Variants in NIPSNAP1 observed in about 807,000 individuals in gnomAD.
NIPSNAP1 encodes protein NipSnap homolog 1.
In NIPSNAP1, 25 loss-of-function variants were observed where a neutral mutation model predicts 49.2. The observed-to-expected ratio is 0.51, with a 90% CI of 0.37 to 0.71. The LOEUF is 0.71. NIPSNAP1 is among the 30% of genes least tolerant of loss of function. The probability of loss-of-function intolerance (pLI) is 0.00; values close to 1 mark genes in which losing one functional copy is unlikely to be tolerated. For missense variants in NIPSNAP1, 294 were observed against 361.0 expected, an observed-to-expected ratio of 0.81 and a Z score of 1.50; for synonymous variants, 143 against 140.7, an observed-to-expected ratio of 1.02 and a Z score of -0.12.
intron 8 of NIPSNAP1, among the ~76,000 whole-genome samples, chr22:29,560,159 A>G (rs1457951995): frequency 6.6e-6 from 1 of 151,102 alleles, no homozygotes; most frequent in Non-Finnish European, 1.5e-5. Context: ...CTCAGCTTAC[A>G]TTTTACTTCC....
chr22:29,560,260 T>C (rs1194516207), intron 8 of NIPSNAP1, among the ~76,000 whole-genome samples: 16 of 152,228 alleles, frequency 1.1e-4, no homozygotes, highest in Middle Eastern at 3.4e-3. Flanking sequence ...TTTTCTTCTT[T>C]TTTTTTGAGA....
At chr22:29,570,033 G>A in intron 3 of NIPSNAP1, 129 bp downstream of exon 3, 1 of 783,684 alleles carries the variant, frequency 1.3e-6, no homozygotes, top group Non-Finnish European at 2.2e-6. Flanking sequence ...GAAAAAGGCA[G>A]AAATAAAAGA....
intron 4 of NIPSNAP1, among the ~76,000 whole-genome samples, chr22:29,563,903 T>TA (rs1195306448): frequency 6.6e-6 from 1 of 152,118 alleles, no homozygotes; most frequent in Non-Finnish European, 1.5e-5. Flanking sequence ...CCTAAGGCCT[T>TA]AGGAGGAAGG....
chr22:29,570,660 T>A, intron 1 of NIPSNAP1, 128 bp from the exon 2 acceptor site: 1 of 1,250,624 alleles, frequency 8.0e-7, no homozygotes, highest in Non-Finnish European at 1.1e-6. Context: ...CGGAGTCCTG[T>A]GGCAGCTCCA....
At chr22:29,576,533 T>C (rs1247204731) in intron 1 of NIPSNAP1, among the ~76,000 whole-genome samples, 2 of 151,438 alleles carry the variant, frequency 1.3e-5, no homozygotes, top group African/African-American at 4.9e-5. Flanking sequence ...GCTGGGCACA[T>C]GGTGAGAATG....
rs184528108 is a variant in NIPSNAP1 at position 29,579,019 on chromosome 22, G to C, written c.98+1966C>G. On this transcript the variant is annotated intron_variant, in intron 1 of 9. Coordinates refer to ENST00000216121, the MANE Select transcript of NIPSNAP1 (RefSeq NM_003634.4). ...AAATTGCTTGAAACATAGGCTAGGG[G>C]TTAAGGAGCAACACTTACTGCATGT... is the stretch of plus-strand genomic sequence containing the variant. Among the ~76,000 whole-genome samples, 160 of 151,320 alleles carry C rather than the reference G, an allele frequency of 1.1e-3. 1 individual carries two copies. The highest frequency in any genetic ancestry group is 3.5e-3 in the African/African-American group (141 of 40,670).
rs553511019 is a variant in NIPSNAP1, at chr22:29,580,002, A to C, written c.98+983T>G. 3 of 1,043,202 alleles carry C rather than the reference A, an allele frequency of 2.9e-6. No homozygotes were observed. In the East Asian group the frequency reaches 1.8e-4, roughly 62 times the overall value. The allele number at this position is 1,043,202 out of a possible 1,614,324, so 64.6% of individuals were successfully genotyped here. On this transcript the variant is annotated intron_variant, in intron 1 of 9. Transcript: ENST00000216121. Reference sequence around the variant, plus strand: ...TGTGCTGTAACATCTCATGGCAGGCACTATCAGAACTTTGCAGCTTCATTC... The same window carrying C: ...TGTGCTGTAACATCTCATGGCAGGCCCTATCAGAACTTTGCAGCTTCATTC...
At chr22:29,557,583 AC>A (rs930762006) in intron 9 of NIPSNAP1, among the ~76,000 whole-genome samples, 3 of 152,002 alleles carry the variant, frequency 2.0e-5, no homozygotes, top group African/African-American at 7.2e-5. Context: ...GGGAAACACC[AC>A]GTCCTGCTAA....
chr22:29,556,262 T>C (rs2064293496), intron 9 of NIPSNAP1, among the ~76,000 whole-genome samples: 2 of 152,174 alleles, frequency 1.3e-5, no homozygotes, highest in African/African-American at 2.4e-5. Context: ...TGGTGGCTTG[T>C]GCCTATAATC....
Position 29,560,832 on chromosome 22 carries a change from G to C in NIPSNAP1, c.612-4C>G, listed in dbSNP as rs755863023. 6.2e-7 allele frequency: 1 copy of C among 1,613,884 alleles called. No homozygotes were observed. Among genetic ancestry groups the C allele is most frequent in the East Asian group, 2.2e-5 (1 of 44,886 alleles). On this transcript the variant is annotated splice_polypyrimidine_tract_variant and splice_region_variant and intron_variant, in intron 7 of 9. Transcript: ENST00000216121. ...CCGGTACTTGATGGCCCGAGCCCTG[G>C]AGAAGGCACAATAATATGGGGCAGA...
chr22:29,561,299 C>CT, intron 6 of NIPSNAP1, 97 bp from the exon 7 acceptor site: 1 of 1,517,918 alleles, frequency 6.6e-7, no homozygotes. Flanking sequence ...GTCTCCCCAC[C>CT]TCCCAAGCTG....
At chr22:29,579,253 G>C (rs2064478286) in intron 1 of NIPSNAP1, among the ~76,000 whole-genome samples, 1 of 144,966 alleles carries the variant, frequency 6.9e-6, no homozygotes, top group African/African-American at 2.6e-5. Flanking sequence ...ATTTTTAGTA[G>C]AGACACGTTT....
chr22:29,578,263 T>C (rs1192708757), intron 1 of NIPSNAP1, among the ~76,000 whole-genome samples: 2 of 150,796 alleles, frequency 1.3e-5, no homozygotes, highest in Non-Finnish European at 2.9e-5. Context: ...CTTGAACTCC[T>C]GGCCTCAGGT....
At position 29,570,329 on chromosome 22, in the gene NIPSNAP1, C is replaced by T. The variant is rs2064398911; in HGVS notation, c.226+76G>A. On this transcript the variant is annotated intron_variant, in intron 2 of 9. Transcript: ENST00000216121. ...CAGCTGAGGACATTCCAGACCCTCC[C>T]ATCTCCTTCCTGGAGCCTCACAGGC... The T allele has an allele frequency of 2.5e-6, 4 of 1,610,814 alleles. No individual in the cohort carries two copies. In the South Asian group the frequency reaches 3.3e-5, roughly 13 times the overall value.
chr22:29,566,953 T>C (rs2064372290), intron 4 of NIPSNAP1, among the ~76,000 whole-genome samples: 1 of 151,942 alleles, frequency 6.6e-6, no homozygotes, highest in Admixed American at 6.6e-5. Flanking sequence ...GAAACCCTGT[T>C]TCTACTAAAA....
At position 29,570,431 on chromosome 22, in the gene NIPSNAP1, T is replaced by G. The variant is rs202037649; in HGVS notation, c.200A>C (p.Glu67Ala). The G allele has an allele frequency of 3.1e-6, 5 of 1,614,212 alleles. No individual in the cohort carries two copies. The highest frequency in any genetic ancestry group is 1.3e-5 in the African/African-American group (1 of 75,064). ...CTGGATCTTATAGAGGTTGCTGGTT[T>G]CCTTCTTGGACAGCAGGGTGGAGTG... ...DAHSTLLSKK[E>A]TSNLYKIQFH... is the part of the protein sequence containing the mutation. The change falls in exon 2 of 10, where the codon GAA (glutamate) becomes GCA (alanine). Residue 67 changes from glutamate (E) to alanine (A), a missense_variant. By Grantham distance (107) the Glu-to-Ala change is moderately radical. This residue lies in a region of NIPSNAP1 where 5 missense variants were observed against 18.7 expected (regional missense o/e 0.27). Coordinates refer to ENST00000216121, the MANE Select transcript of NIPSNAP1 (RefSeq NM_003634.4).
chr22:29,567,322 T>C (rs1420390634), intron 4 of NIPSNAP1, among the ~76,000 whole-genome samples: 1 of 152,062 alleles, frequency 6.6e-6, no homozygotes, highest in African/African-American at 2.4e-5. Flanking sequence ...CCCCTGGGAC[T>C]GTAAGACACC....
chr22:29,556,021 G>A, intron 9 of NIPSNAP1, 22 bp from the exon 10 acceptor site: 1 of 1,539,606 alleles, frequency 6.5e-7, no homozygotes. Flanking sequence ...GAAGGCAGAG[G>A]TCACACAGGG....
In NIPSNAP1 at chr22:29,572,447, G is replaced by A. The variant is rs563846161; in HGVS notation, c.99-1915C>T. Among the ~76,000 whole-genome samples, 6 of 152,178 alleles carry A rather than the reference G, an allele frequency of 3.9e-5. No homozygotes were observed. The South Asian group carries it at 1.2e-3, about 32-fold the overall frequency. On this transcript the variant is annotated intron_variant, in intron 1 of 9. Coordinates refer to ENST00000216121, the MANE Select transcript of NIPSNAP1 (RefSeq NM_003634.4). Reference sequence around the variant, plus strand: ...TGTAATCCCAGTACTTTGGGAGGCTGAGGTCAGAGGATCACTTGAGCCCAG... The same window carrying A: ...TGTAATCCCAGTACTTTGGGAGGCTAAGGTCAGAGGATCACTTGAGCCCAG...
Sources: gnomAD v4.1 joint callset for allele counts (sites outside exome capture counted in the v4.1 genomes callset) on GRCh38, gnomAD v4.1.1 for gene constraint, gnomAD v4.1.1 regional missense constraint, MANE v1.5 for transcripts, NCBI Gene and HGNC (gene_info 2026-07-23, HGNC 2026-07-21) for gene names.